Variants in RCL1 observed in about 807,000 individuals in gnomAD.
RCL1 encodes RNA 3'-terminal phosphate cyclase-like protein.
In RCL1, 24 loss-of-function variants were observed where a neutral mutation model predicts 42.4. The ratio of observed to expected loss-of-function variants is 0.57; its 90% CI spans 0.41 to 0.80. RCL1 has a LOEUF of 0.80. Ranked by LOEUF, RCL1 falls within the 30% of genes least tolerant of loss-of-function variation. The probability of loss-of-function intolerance (pLI) is 0.00; values close to 1 mark genes in which losing one functional copy is unlikely to be tolerated. For synonymous variants in RCL1, 228 were observed against 177.3 expected (o/e 1.29, Z -2.27); for missense variants, 578 against 467.9 (o/e 1.24, Z -2.17).
At chr9:4,833,027 T>A in intron 3 of RCL1, 127 bp from the exon 4 acceptor site, 1 of 667,216 alleles carries the variant, frequency 1.5e-6, no homozygotes, top group Non-Finnish European at 2.7e-6. Flanking sequence ...CTCAGTTATA[T>A]GCCAGCATCC....
intron 1 of RCL1, among the ~76,000 whole-genome samples, chr9:4,795,593 C>T (rs1175674964): frequency 6.6e-6 from 1 of 152,102 alleles, no homozygotes; most frequent in African/African-American, 2.4e-5. Flanking sequence ...CCTATGTTGC[C>T]CGTCATCTGT....
intron 1 of RCL1, among the ~76,000 whole-genome samples, chr9:4,801,838 G>A (rs999565508): frequency 6.8e-6 from 1 of 147,408 alleles, no homozygotes; most frequent in Non-Finnish European, 1.5e-5. Flanking sequence ...CAGCATTTTT[G>A]TGTGGATCTC....
At chr9:4,822,865 C>G (rs940529092) in intron 1 of RCL1, among the ~76,000 whole-genome samples, 4 of 151,778 alleles carry the variant, frequency 2.6e-5, no homozygotes, top group African/African-American at 7.3e-5. Flanking sequence ...TATATAAAAT[C>G]CAATCATTAA....
At chr9:4,846,475 A>C (rs1817516300) in intron 7 of RCL1, among the ~76,000 whole-genome samples, 1 of 152,226 alleles carries the variant, frequency 6.6e-6, no homozygotes, top group Non-Finnish European at 1.5e-5. Context: ...TAATTTTGTG[A>C]AAAATGGGTA....
At chr9:4,845,125 A>G (rs1487477333) in intron 7 of RCL1, among the ~76,000 whole-genome samples, 1 of 152,226 alleles carries the variant, frequency 6.6e-6, no homozygotes, top group Non-Finnish European at 1.5e-5. Flanking sequence ...GTTGATTCAT[A>G]TATAAAACAA....
intron 1 of RCL1, among the ~76,000 whole-genome samples, chr9:4,813,495 C>T (rs1382961447): frequency 1.3e-5 from 2 of 152,208 alleles, no homozygotes; most frequent in African/African-American, 4.8e-5. Flanking sequence ...GAGATACCAT[C>T]TCACACCAGT....
intron 8 of RCL1, among the ~76,000 whole-genome samples, chr9:4,856,078 G>T (rs924673677): frequency 2.6e-5 from 4 of 152,202 alleles, no homozygotes; most frequent in African/African-American, 9.7e-5. Context: ...GCAAAGGAGA[G>T]ACCAATCTGT....
intron 1 of RCL1, among the ~76,000 whole-genome samples, chr9:4,810,501 A>T (rs1352876116): frequency 1.3e-5 from 2 of 152,202 alleles, no homozygotes; most frequent in African/African-American, 4.8e-5. Flanking sequence ...TCCGTGTTGT[A>T]GCAGCAGTTT....
At chr9:4,852,132 T>C (rs1446120599) in intron 8 of RCL1, among the ~76,000 whole-genome samples, 5 of 152,166 alleles carry the variant, frequency 3.3e-5, no homozygotes, top group Admixed American at 2.0e-4. Flanking sequence ...CCACCCGCCT[T>C]GGCCTCCCAA....
chr9:4,815,184 A>C (rs10974798), intron 1 of RCL1, among the ~76,000 whole-genome samples: 1 of 151,832 alleles, frequency 6.6e-6, no homozygotes, highest in Non-Finnish European at 1.5e-5. Context: ...CTTTTCACCT[A>C]TTTCATTTGG....
chr9:4,838,129 G>A (rs1817199207), intron 5 of RCL1, among the ~76,000 whole-genome samples: 1 of 152,240 alleles, frequency 6.6e-6, no homozygotes, highest in African/African-American at 2.4e-5. Flanking sequence ...TGCAAGGCTG[G>A]TTGACTACTG....
chr9:4,807,950 G>GT (rs1436102986), intron 1 of RCL1, among the ~76,000 whole-genome samples: 5 of 151,852 alleles, frequency 3.3e-5, no homozygotes, highest in East Asian at 3.9e-4. Flanking sequence ...AATTTATTGA[G>GT]TTTTTTTTAA....
chr9:4,799,992 G>T (rs1842972177), intron 1 of RCL1, among the ~76,000 whole-genome samples: 1 of 152,168 alleles, frequency 6.6e-6, no homozygotes, highest in African/African-American at 2.4e-5. Context: ...AGGTTATCTA[G>T]AGTCACTATA....
chr9:4,794,142 G>A (rs1039102562), intron 1 of RCL1, among the ~76,000 whole-genome samples: 10 of 152,196 alleles, frequency 6.6e-5, no homozygotes, highest in Admixed American at 3.9e-4. Context: ...AAGAGTGTTT[G>A]TGGTTGGTCC....
chr9:4,814,093 T>C (rs952984943), intron 1 of RCL1, among the ~76,000 whole-genome samples: 5 of 152,140 alleles, frequency 3.3e-5, no homozygotes, highest in African/African-American at 9.6e-5. Context: ...GGCACACTTA[T>C]ACATATATAA....
intron 5 of RCL1, among the ~76,000 whole-genome samples, chr9:4,838,987 A>G (rs1340868750): frequency 6.6e-6 from 1 of 152,250 alleles, no homozygotes; most frequent in African/African-American, 2.4e-5. Flanking sequence ...GGAAAGTGTT[A>G]TGATTATCCT....
intron 8 of RCL1, among the ~76,000 whole-genome samples, chr9:4,855,275 C>G (rs1208219694): frequency 6.6e-6 from 1 of 151,784 alleles, no homozygotes; most frequent in East Asian, 1.9e-4. Flanking sequence ...GCCCCTACTG[C>G]CTAGAATGGT....
chr9:4,814,269 A>C (rs1439244731), intron 1 of RCL1, among the ~76,000 whole-genome samples: 1 of 131,768 alleles, frequency 7.6e-6, no homozygotes, highest in Non-Finnish European at 1.7e-5. Context: ...TTTTATCATG[A>C]GGGGGTTTTG....
At position 4,841,280 on chromosome 9, in the gene RCL1, T is replaced by C. The variant is rs1368979208; in HGVS notation, c.633T>C (p.Ser211=). Residue 211 remains serine, a synonymous_variant, in exon 6 of 9, where the codon TCT becomes TCC. Transcript: ENST00000381750. ...AGATGGCGAACCGGATTGTGGATTC[T>C]GCAAGGAGCATCCTCAACAAGTTCA... ...SPQMANRIVD[S]ARSILNKFIP... 5.0e-6 allele frequency: 8 copies of C among 1,613,322 alleles called. No homozygotes were observed. The South Asian group carries it at 8.8e-5, about 18-fold the overall frequency.
Sources: allele counts gnomAD v4.1 joint callset (sites outside exome capture counted in the v4.1 genomes callset), GRCh38; gene constraint gnomAD v4.1.1; transcripts MANE v1.5; gene names NCBI Gene and HGNC (gene_info 2026-07-23, HGNC 2026-07-21).